Variants in ERG observed in about 807,000 individuals in gnomAD.
ERG encodes ETS transcription factor ERG.
ERG carries 9 observed loss-of-function variants against 55.3 expected under a neutral mutation model. The observed-to-expected ratio is 0.16, with a 90% confidence interval of 0.10 to 0.28. The LOEUF is 0.28. Among genes scored for constraint, ERG ranks in the 10% least tolerant of loss-of-function variants. The pLI is 1.00. For synonymous variants in ERG, 223 were observed against 237.3 expected (o/e 0.94, Z 0.55); for missense variants, 434 against 631.6 (o/e 0.69, Z 3.35).
At chr21:38,470,257 CTATTATTATTATTAT>C (rs147294234) in intron 1 of ERG, among the ~76,000 whole-genome samples, 2 of 150,796 alleles carry the variant, frequency 1.3e-5, no homozygotes, top group South Asian at 2.1e-4. Flanking sequence ...TGAGTGTTTT[CTATTATTATTATTAT>C]TATTATTATT....
Position 38,445,624 on chromosome 21 carries a change from G to A in ERG, c.19-3C>T, listed in dbSNP as rs2146557205. 6.2e-7 allele frequency: 1 copy of A among 1,613,104 alleles called. No homozygotes were observed. The highest frequency in any genetic ancestry group is 1.3e-5 in the African/African-American group (1 of 74,992). ...TCACTCACAACTGATAAGGCTTCCT[G>A]AATGCCCAAAGAAACACATAATTCA... On this transcript the variant is annotated splice_polypyrimidine_tract_variant and splice_region_variant and intron_variant, in intron 1 of 9. Coordinates refer to ENST00000288319, the MANE Select transcript of ERG (RefSeq NM_182918.4).
At chr21:38,425,002 A>G (rs1051845810) in intron 2 of ERG, among the ~76,000 whole-genome samples, 3 of 152,250 alleles carry the variant, frequency 2.0e-5, no homozygotes, top group Admixed American at 6.5e-5. Flanking sequence ...CTTTCTGGAA[A>G]AAGAAAAGGA....
chr21:38,652,261 C>A (rs1371015120), intron 1 of ERG, among the ~76,000 whole-genome samples: 1 of 152,154 alleles, frequency 6.6e-6, no homozygotes, highest in Non-Finnish European at 1.5e-5. Flanking sequence ...CCCGCCAATC[C>A]AGATCCAACA....
chr21:38,563,515 C>A (rs2059905140), intron 2 of ERG, among the ~76,000 whole-genome samples: 1 of 152,192 alleles, frequency 6.6e-6, no homozygotes, highest in Non-Finnish European at 1.5e-5. Context: ...TCCGTGAGAG[C>A]ACGTCCTCTC....
intron 6 of ERG, among the ~76,000 whole-genome samples, chr21:38,396,432 T>C (rs1366463142): frequency 6.6e-6 from 1 of 152,244 alleles, no homozygotes; most frequent in African/African-American, 2.4e-5. Flanking sequence ...TGTCTCACTA[T>C]GCCTAGCTGT....
intron 3 of ERG, among the ~76,000 whole-genome samples, chr21:38,410,924 AC>A (rs879783262): frequency 2.6e-5 from 4 of 152,244 alleles, no homozygotes; most frequent in Non-Finnish European, 2.9e-5. Context: ...TATGAAAAAA[AC>A]ATCAAAAAAT....
intron 2 of ERG, among the ~76,000 whole-genome samples, chr21:38,535,899 A>G (rs2059706048): frequency 6.6e-6 from 1 of 152,186 alleles, no homozygotes; most frequent in South Asian, 2.1e-4. Flanking sequence ...TATTAAATTC[A>G]TATTTTCAAC....
At chr21:38,376,316 C>T (rs976169099), downstream of ERG, among the ~76,000 whole-genome samples, 1 of 152,166 alleles carries the variant, frequency 6.6e-6, no homozygotes, top group East Asian at 1.9e-4. Context: ...GCCTGTTGTT[C>T]GTTTCTCGCT....
intron 1 of ERG, among the ~76,000 whole-genome samples, chr21:38,478,143 G>A (rs1020336006): frequency 2.0e-5 from 3 of 152,300 alleles, no homozygotes; most frequent in Admixed American, 1.3e-4. Flanking sequence ...ACTCCAGACC[G>A]GCCCCAATAA....
intron 1 of ERG, among the ~76,000 whole-genome samples, chr21:38,613,372 CAG>C (rs2060239834): frequency 6.6e-6 from 1 of 152,176 alleles, no homozygotes; most frequent in African/African-American, 2.4e-5. Flanking sequence ...ACACTCTCAT[CAG>C]AGTTAATTCA....
intron 2 of ERG, among the ~76,000 whole-genome samples, chr21:38,544,444 G>T (rs1045761662): frequency 6.6e-6 from 1 of 152,122 alleles, no homozygotes; most frequent in Non-Finnish European, 1.5e-5. Context: ...CGGTGACTTG[G>T]ACCAGAAAGA....
chr21:38,557,166 C>A (rs1262197818), intron 2 of ERG, among the ~76,000 whole-genome samples: 1 of 152,176 alleles, frequency 6.6e-6, no homozygotes, highest in African/African-American at 2.4e-5. Flanking sequence ...CCTTGTGCCA[C>A]TGATATCATG....
intron 1 of ERG, among the ~76,000 whole-genome samples, chr21:38,606,418 CT>C (rs904799457): frequency 6.6e-6 from 1 of 152,116 alleles, no homozygotes; most frequent in African/African-American, 2.4e-5. Context: ...ACTTTCATAG[CT>C]TACATTATAG....
intron 3 of ERG, among the ~76,000 whole-genome samples, chr21:38,422,777 C>T (rs1989604132): frequency 6.6e-6 from 1 of 152,166 alleles, no homozygotes; most frequent in African/African-American, 2.4e-5. Flanking sequence ...ATCTGTATTA[C>T]AGGCCAGTGA....
intron 5 of ERG, among the ~76,000 whole-genome samples, chr21:38,401,138 C>T (rs1055727704): frequency 3.0e-4 from 46 of 152,256 alleles, no homozygotes; most frequent in Middle Eastern, 3.4e-3. Flanking sequence ...TCTCTTTTGA[C>T]CAAAACTCAT....
At chr21:38,495,637 T>A (rs1335439732) in intron 1 of ERG, among the ~76,000 whole-genome samples, 1 of 152,214 alleles carries the variant, frequency 6.6e-6, no homozygotes, top group Non-Finnish European at 1.5e-5. Context: ...ACTGTATTTC[T>A]GTTGTAATTC....
chr21:38,383,525 C>T lies in ERG; in HGVS notation c.1318G>A (p.Val440Met), dbSNP rs1363790097. The change falls in exon 10 of 10, where the codon GTG becomes ATG. Residue 440 changes from valine to methionine, a missense_variant. Coordinates refer to ENST00000288319, the MANE Select transcript of ERG (RefSeq NM_182918.4). The surrounding 1 kb of genome is among the most constrained non-coding windows in gnomAD (Gnocchi z 5.7). The stretch of plus-strand genomic sequence containing the variant: ...GCAGCAAAAAAACTGGAAGATGTCA[C>T]GGGGAGGGCTGGAGGGTGGGGCGCC... ...FVAPHPPALP[V>M]TSSSFFAAPN... The T allele has an allele frequency of 1.3e-5, 21 of 1,565,406 alleles. No individual in the cohort carries two copies. The highest frequency in any genetic ancestry group is 2.7e-5 in the African/African-American group (2 of 73,738).
At chr21:38,573,285 C>T (rs2059971315) in intron 2 of ERG, among the ~76,000 whole-genome samples, 3 of 152,144 alleles carry the variant, frequency 2.0e-5, no homozygotes, top group South Asian at 4.1e-4. Flanking sequence ...CCTGACTGTC[C>T]CCCAGCCCGA....
chr21:38,396,178 A>T (rs1483663668), intron 6 of ERG, among the ~76,000 whole-genome samples: 1 of 152,212 alleles, frequency 6.6e-6, no homozygotes, highest in Non-Finnish European at 1.5e-5. Context: ...AATGAAAAAA[A>T]AAGTTTGAGT....
Sources: gnomAD v4.1 joint callset for allele counts (sites outside exome capture counted in the v4.1 genomes callset) on GRCh38, gnomAD v4.1.1 for gene constraint, Gnocchi (gnomAD v3.1) non-coding constraint, MANE v1.5 for transcripts, NCBI Gene and HGNC (gene_info 2026-07-23, HGNC 2026-07-21) for gene names.